RNF180: variants seen among roughly 807,000 people sequenced by gnomAD.
RNF180 encodes the protein E3 ubiquitin-protein ligase RNF180.
RNF180 carries 38 observed loss-of-function variants against 59.2 expected under a neutral mutation model. The observed-to-expected ratio is 0.64, with a 90% CI of 0.50 to 0.84. The LOEUF is 0.84. Among genes scored for constraint, RNF180 ranks in the 40% least tolerant of loss-of-function variants. The probability of loss-of-function intolerance (pLI) is 0.00; values close to 1 mark genes in which losing one functional copy is unlikely to be tolerated. For missense variants in RNF180, 705 were observed against 700.9 expected, an observed-to-expected ratio of 1.01 and a Z score of -0.07; for synonymous variants, 262 against 240.3, an observed-to-expected ratio of 1.09 and a Z score of -0.84.
At chr5:64,314,760 A>G (rs1323789996) in intron 5 of RNF180, among the ~76,000 whole-genome samples, 1 of 152,210 alleles carries the variant, frequency 6.6e-6, no homozygotes, top group African/African-American at 2.4e-5. Context: ...TAGAAGACAC[A>G]TGTATTCTCA....
In RNF180 at chr5:64,309,956, T is replaced by TAAAACTCTCATAAA. The variant is rs754658021; in HGVS notation, c.1228-15229_1228-15228insAAACTCTCATAAAA. ...CCTAGAGAATTCATAAAACTTTGAC[T>TAAAACTCTCATAAA]ACATGAGAGTTTCTTATAATTTACA... On this transcript the variant is annotated intron_variant, in intron 5 of 7. Coordinates refer to ENST00000389100, the MANE Select transcript of RNF180 (RefSeq NM_001113561.2). 5.1e-3 allele frequency among the ~76,000 whole-genome samples: 770 copies of TAAAACTCTCATAAA among 151,882 alleles called. 8 individuals are homozygous for TAAAACTCTCATAAA. The highest frequency in any genetic ancestry group is 5.5e-3 in the Non-Finnish European group (373 of 67,794).
At chr5:64,234,587 T>C (rs1003938945) in intron 5 of RNF180, among the ~76,000 whole-genome samples, 4 of 33,234 alleles carry the variant, frequency 1.2e-4, no homozygotes, top group Non-Finnish European at 2.2e-4. Flanking sequence ...TCTTTTTTTT[T>C]TTTTTTTTTT....
intron 7 of RNF180, among the ~76,000 whole-genome samples, chr5:64,359,066 G>C (rs1202167046): frequency 6.6e-6 from 1 of 151,018 alleles, no homozygotes; most frequent in Non-Finnish European, 1.5e-5. Context: ...CCAAGTCTTT[G>C]CTATCGTGAA....
chr5:64,215,861 G>A (rs934312175), intron 4 of RNF180, among the ~76,000 whole-genome samples: 1 of 152,114 alleles, frequency 6.6e-6, no homozygotes, highest in African/African-American at 2.4e-5. Context: ...GATAACATCT[G>A]CAATTTAAAA....
At chr5:64,356,291 G>A (rs973384102) in intron 7 of RNF180, among the ~76,000 whole-genome samples, 1 of 151,682 alleles carries the variant, frequency 6.6e-6, no homozygotes, top group Admixed American at 6.6e-5. Flanking sequence ...GTAAGGGACA[G>A]TATCAAGAAA....
chr5:64,345,540 AGATG>A (rs1189418006), intron 7 of RNF180, among the ~76,000 whole-genome samples: 1 of 152,256 alleles, frequency 6.6e-6, no homozygotes, highest in East Asian at 1.9e-4. Flanking sequence ...TATTAATTAA[AGATG>A]GATTGAAGAG....
At chr5:64,281,692 T>C (rs932427505) in intron 5 of RNF180, among the ~76,000 whole-genome samples, 1 of 152,110 alleles carries the variant, frequency 6.6e-6, no homozygotes, top group African/African-American at 2.4e-5. Context: ...GAGACAAGGT[T>C]TCACCATGTT....
chr5:64,194,702 T>C (rs1009664682), intron 1 of RNF180, among the ~76,000 whole-genome samples: 1 of 152,194 alleles, frequency 6.6e-6, no homozygotes, highest in Non-Finnish European at 1.5e-5. Context: ...CCATTCAAAC[T>C]GGTGTGAGAT....
intron 5 of RNF180, among the ~76,000 whole-genome samples, chr5:64,305,146 C>T (rs1293991099): frequency 6.6e-6 from 1 of 151,622 alleles, no homozygotes; most frequent in African/African-American, 2.4e-5. Flanking sequence ...CACTGGGAAA[C>T]CAAACAATGT....
intron 5 of RNF180, among the ~76,000 whole-genome samples, chr5:64,316,976 C>A (rs1744072636): frequency 1.3e-5 from 2 of 152,282 alleles, no homozygotes; most frequent in South Asian, 4.1e-4. Context: ...TATGAAAAGT[C>A]AGCCCTTCAT....
chr5:64,240,267 A>C lies in RNF180; in HGVS notation c.1227+22871A>C, dbSNP rs549057382. 3.9e-5 allele frequency among the ~76,000 whole-genome samples: 6 copies of C among 152,330 alleles called. No homozygotes were observed. The East Asian group carries it at 1.2e-3, about 29-fold the overall frequency. ...AACCATATCTTCTTTTTGAAGACTC[A>C]AAATGCAGATCAGTATAATAAAGGC... On this transcript the variant is annotated intron_variant, in intron 5 of 7. Transcript: ENST00000389100.
chr5:64,276,389 GTGTT>G (rs761747051), intron 5 of RNF180, among the ~76,000 whole-genome samples: 2 of 151,116 alleles, frequency 1.3e-5, no homozygotes, highest in East Asian at 1.9e-4. Flanking sequence ...GTGTGTGTGT[GTGTT>G]TATTTATTTT....
At chr5:64,335,681 A>T (rs1245494382) in intron 7 of RNF180, among the ~76,000 whole-genome samples, 1 of 152,094 alleles carries the variant, frequency 6.6e-6, no homozygotes, top group African/African-American at 2.4e-5. Context: ...GTCACTAAAA[A>T]CTTAGTAAGT....
At chr5:64,309,099 T>C (rs1743622316) in intron 5 of RNF180, among the ~76,000 whole-genome samples, 1 of 151,702 alleles carries the variant, frequency 6.6e-6, no homozygotes, top group African/African-American at 2.4e-5. Flanking sequence ...CATTAATAGA[T>C]GTATTTCCAT....
chr5:64,281,453 C>T (rs561479481), intron 5 of RNF180, among the ~76,000 whole-genome samples: 7 of 152,086 alleles, frequency 4.6e-5, no homozygotes, highest in African/African-American at 1.7e-4. Flanking sequence ...TAGATGACTC[C>T]TGTTATTTTG....
At chr5:64,234,656 G>T (rs1742314110) in intron 5 of RNF180, among the ~76,000 whole-genome samples, 1 of 116,946 alleles carries the variant, frequency 8.6e-6, no homozygotes, top group Non-Finnish European at 1.6e-5. Context: ...CTGGAGTGCC[G>T]TGGCGCCATC....
intron 5 of RNF180, among the ~76,000 whole-genome samples, chr5:64,273,635 G>A (rs1449961952): frequency 2.6e-5 from 4 of 152,006 alleles, no homozygotes; most frequent in African/African-American, 9.7e-5. Flanking sequence ...GTTGGCTCTA[G>A]TAACAGCAGA....
At chr5:64,236,914 C>G (rs1742476849) in intron 5 of RNF180, among the ~76,000 whole-genome samples, 1 of 152,170 alleles carries the variant, frequency 6.6e-6, no homozygotes, top group South Asian at 2.1e-4. Flanking sequence ...AGAACCTCCA[C>G]CTAGATTTCA....
At position 64,362,609 on chromosome 5, in the gene RNF180, C is replaced by T. The variant is rs144932767; in HGVS notation, c.1580-7006C>T. Among the ~76,000 whole-genome samples, 213 of 151,768 alleles carry T rather than the reference C, an allele frequency of 1.4e-3. 1 individual carries two copies. The highest frequency in any genetic ancestry group is 4.8e-3 in the African/African-American group (200 of 41,480). ...ATTCCTTTGGGTATATACCCAGTAA[C>T]GGGATTGCTGGGGTCGAATGGTAGT... On this transcript the variant is annotated intron_variant, in intron 7 of 7. Transcript: ENST00000389100.
Sources: gnomAD v4.1 joint callset for allele counts (sites outside exome capture counted in the v4.1 genomes callset) on GRCh38, gnomAD v4.1.1 for gene constraint, MANE v1.5 for transcripts, NCBI Gene and HGNC (gene_info 2026-07-23, HGNC 2026-07-21) for gene names.